Variants in LRIG1 observed in about 807,000 individuals in gnomAD.
LRIG1 encodes the protein leucine-rich repeats and immunoglobulin-like domains protein 1.
Under a neutral mutation model 99.2 loss-of-function variants are expected in LRIG1, and 48 were observed. The observed-to-expected ratio is 0.48, with a 90% CI of 0.38 to 0.62. The LOEUF is 0.62. Ranked by LOEUF, LRIG1 falls within the 20% of genes least tolerant of loss-of-function variation. The pLI, the probability that LRIG1 is intolerant of heterozygous loss-of-function variation, is 0.00. For synonymous variants in LRIG1, 772 were observed against 596.1 expected, an observed-to-expected ratio of 1.29 and a Z score of -4.30; for missense variants, 1,646 against 1,434.4, an observed-to-expected ratio of 1.15 and a Z score of -2.38.
chr3:66,475,680 A>G (rs1700706221), intron 1 of LRIG1, among the ~76,000 whole-genome samples: 1 of 152,252 alleles, frequency 6.6e-6, no homozygotes, highest in Non-Finnish European at 1.5e-5. Context: ...GTTAGGTTTA[A>G]GCTCACATAA....
chr3:66,380,369 T>G lies in LRIG1; in HGVS notation c.3176A>C (p.Asn1059Thr). 6.2e-7 allele frequency: 1 copy of G among 1,614,108 alleles called. No individual in the cohort carries two copies. Among genetic ancestry groups the G allele is most frequent in the Non-Finnish European group, 8.5e-7 (1 of 1,180,026 alleles). The change falls in exon 19 of 19, where the codon AAT (asparagine) becomes ACT (threonine). Residue 1059 changes from asparagine to threonine, a missense_variant. Coordinates refer to ENST00000273261, the MANE Select transcript of LRIG1 (RefSeq NM_015541.3). ...GTCACATGCTTTGGGGAGGTGGCCATTGGAAACAAGCAAGTACTGGGCTTC... is the reference window on the plus strand; with the variant it reads ...GTCACATGCTTTGGGGAGGTGGCCAGTGGAAACAAGCAAGTACTGGGCTTC... ...RAEAQYLLVSNGHLPKACDAS... is the reference protein window; with the variant it reads ...RAEAQYLLVSTGHLPKACDAS...
At chr3:66,410,551 G>C (rs373410758) in intron 6 of LRIG1, among the ~76,000 whole-genome samples, 1 of 152,352 alleles carries the variant, frequency 6.6e-6, no homozygotes, top group South Asian at 2.1e-4. Context: ...CTGAGTAAAA[G>C]TGAACCAGGG....
In LRIG1 at chr3:66,500,229, G is replaced by A. The variant is rs906685904; in HGVS notation, c.179C>T (p.Ala60Val). 17 of 1,511,488 alleles carry A rather than the reference G, an allele frequency of 1.1e-5. No homozygotes were observed. Among genetic ancestry groups the A allele is most frequent in the Non-Finnish European group, 1.5e-5 (17 of 1,136,850 alleles). The allele number at this position is 1,511,488 out of a possible 1,614,324, so 93.6% of individuals were successfully genotyped here. Residue 60 changes from alanine (A) to valine (V), a missense_variant, in exon 1 of 19, where the codon GCT becomes GTT. Transcript: ENST00000273261. ...DSLDCGGRGLAALPGDLPSWT... is the reference protein window; with the variant it reads ...DSLDCGGRGLVALPGDLPSWT... Reference sequence around the variant, plus strand: ...GGAGGGCAGGTCCCCGGGCAACGCAGCCAGCCCGCGCCCACCGCAGTCCAG... The same window carrying A: ...GGAGGGCAGGTCCCCGGGCAACGCAACCAGCCCGCGCCCACCGCAGTCCAG...
At position 66,379,416 on chromosome 3, in the gene LRIG1, A is replaced by C. The variant is rs1315485552; in HGVS notation, c.*847T>G. ...AGTATAGAAAAATCCACAGGTACCAACACCAGCAGCCTTTACCTTAATTTA... is the reference window on the plus strand; with the variant it reads ...AGTATAGAAAAATCCACAGGTACCACCACCAGCAGCCTTTACCTTAATTTA... On this transcript the variant is annotated 3_prime_UTR_variant, in exon 19 of 19. Transcript: ENST00000273261. 6.6e-6 allele frequency: 1 copy of C among 152,324 alleles called. No individual in the cohort carries two copies. 9.4% of individuals were successfully genotyped at this position (152,324 alleles called of 1,614,324 possible). A position where few individuals can be genotyped will look rare whatever the true frequency, so the allele number is the denominator to read the frequency against.
intron 3 of LRIG1, among the ~76,000 whole-genome samples, chr3:66,447,396 T>G (rs1419413605): frequency 6.6e-6 from 1 of 152,200 alleles, no homozygotes; most frequent in Non-Finnish European, 1.5e-5. Context: ...TTAAAAAAAA[T>G]AGTTTTCAAA....
Position 66,399,203 on chromosome 3 carries a change from C to T in LRIG1, c.1161-162G>A, listed in dbSNP as rs77018402. On this transcript the variant is annotated intron_variant, in intron 9 of 18. Transcript: ENST00000273261. ...GGAAAGCTGACCTGCGCTGAGATTA[C>T]GGGTTTGAGGCACGCAGGCCTTCCC... is the stretch of plus-strand genomic sequence containing the variant. Among the ~76,000 whole-genome samples the T allele has an allele frequency of 7.6e-4, 116 of 152,346 alleles. No homozygotes were observed. The East Asian group carries it at 0.018, about 23-fold the overall frequency.
At chr3:66,435,564 G>GC (rs1247185818) in intron 3 of LRIG1, among the ~76,000 whole-genome samples, 1 of 152,156 alleles carries the variant, frequency 6.6e-6, no homozygotes, top group Admixed American at 6.5e-5. Context: ...GGATGGCAGA[G>GC]CAAGACTCTG....
Position 66,493,945 on chromosome 3 carries a change from CAG to C in LRIG1, c.218+6243_218+6244del, listed in dbSNP as rs1355097751. Among the ~76,000 whole-genome samples the C allele has an allele frequency of 2.1e-3, 255 of 121,206 alleles. 2 individuals carry two copies. Among genetic ancestry groups the C allele is most frequent in the African/African-American group, 6.0e-3 (192 of 32,150 alleles). 79.5% of individuals were successfully genotyped at this position (121,206 alleles called of 152,430 possible). ...AGAGAAAGAAAAAAGAAAAAGAAAA[CAG>C]AGAAAGAAAGAAAGAAAAAGAAAAG... is the stretch of plus-strand genomic sequence containing the variant. On this transcript the variant is annotated intron_variant, in intron 1 of 18. Transcript: ENST00000273261.
chr3:66,428,226 G>A (rs558158320), intron 3 of LRIG1, among the ~76,000 whole-genome samples: 2 of 152,130 alleles, frequency 1.3e-5, no homozygotes, highest in African/African-American at 4.8e-5. Flanking sequence ...GACACTGGTA[G>A]TTTTCTTTTA....
Position 66,405,271 on chromosome 3 carries a change from C to A in LRIG1, c.1087G>T (p.Asp363Tyr). Residue 363 changes from aspartate (D) to tyrosine (Y), a missense_variant, in exon 9 of 19, where the codon GAC becomes TAC. Physicochemically the swap from Asp to Tyr is radical, Grantham distance 160. Coordinates refer to ENST00000273261, the MANE Select transcript of LRIG1 (RefSeq NM_015541.3). ...GLRSLRVLDL[D>Y]HNEISGTIED... ...ATTGTGCCCGAAATCTCGTTATGGT[C>A]CAGATCCCTGGGGAGAGGACAGAAA... The A allele has an allele frequency of 6.2e-7, 1 of 1,613,870 alleles. No homozygotes were observed.
chr3:66,470,639 G>A (rs1001013313), intron 1 of LRIG1, among the ~76,000 whole-genome samples: 3 of 152,116 alleles, frequency 2.0e-5, no homozygotes, highest in Admixed American at 6.5e-5. Flanking sequence ...GGTCCCTCAC[G>A]AACATTAATC....
At chr3:66,444,830 A>G (rs1376922059) in intron 3 of LRIG1, among the ~76,000 whole-genome samples, 2 of 152,186 alleles carry the variant, frequency 1.3e-5, no homozygotes, top group Non-Finnish European at 2.9e-5. Flanking sequence ...AAGTGAACAC[A>G]TCTTTGAAAA....
At chr3:66,437,810 CAT>C (rs1703409128) in intron 3 of LRIG1, among the ~76,000 whole-genome samples, 1 of 152,088 alleles carries the variant, frequency 6.6e-6, no homozygotes, top group Non-Finnish European at 1.5e-5. Context: ...GGGAACACAA[CAT>C]CATGGGGGGA....
intron 12 of LRIG1, among the ~76,000 whole-genome samples, chr3:66,389,892 A>G (rs879430323): frequency 6.6e-6 from 1 of 152,202 alleles, no homozygotes; most frequent in Admixed American, 6.5e-5. Flanking sequence ...GAGTGATGAT[A>G]CCAGCCATTT....
chr3:66,455,985 A>C (rs1044186338), intron 2 of LRIG1, among the ~76,000 whole-genome samples: 1 of 152,256 alleles, frequency 6.6e-6, no homozygotes, highest in Non-Finnish European at 1.5e-5. Context: ...CTTTGAGGAA[A>C]GTACTAAATT....
At position 66,380,808 on chromosome 3, in the gene LRIG1, A is replaced by G. The variant is rs1559762128; in HGVS notation, c.2824T>C (p.Ser942Pro). ...TGGGGGTGGAAGGCTTGTCCCCTGGAGTAACAGTCCACTTCGGTGTTGCAG... is the reference window on the plus strand; with the variant it reads ...TGGGGGTGGAAGGCTTGTCCCCTGGGGTAACAGTCCACTTCGGTGTTGCAG... Reference protein sequence around the residue: ...SDCNTEVDCYSRGQAFHPQPV... With the variant: ...SDCNTEVDCYPRGQAFHPQPV... The change falls in exon 18 of 19, where the codon TCC (serine) becomes CCC (proline). Residue 942 changes from serine to proline, a missense_variant. Ser to Pro is a moderately conservative substitution (Grantham distance 74, BLOSUM62 -1). Transcript: ENST00000273261. 6.2e-7 allele frequency: 1 copy of G among 1,614,188 alleles called. No individual in the cohort carries two copies. The highest frequency in any genetic ancestry group is 1.7e-5 in the Admixed American group (1 of 60,026).
chr3:66,416,926 C>G (rs998840626), intron 4 of LRIG1, among the ~76,000 whole-genome samples: 1 of 152,230 alleles, frequency 6.6e-6, no homozygotes, highest in African/African-American at 2.4e-5. Flanking sequence ...CAGGATAATG[C>G]TGCAGGATCT....
intron 12 of LRIG1, 74 bp from the exon 13 acceptor site, chr3:66,386,375 C>T (rs892781882): frequency 3.2e-6 from 4 of 1,269,836 alleles, no homozygotes; most frequent in Non-Finnish European, 4.5e-6. Context: ...TTCATGCTAA[C>T]AGAAACTGAC....
chr3:66,383,690 C>T (rs1701222007), intron 14 of LRIG1, among the ~76,000 whole-genome samples: 1 of 152,012 alleles, frequency 6.6e-6, no homozygotes, highest in Admixed American at 6.5e-5. Context: ...CACATCCATC[C>T]TGTCCAATTC....
Sources: allele counts gnomAD v4.1 joint callset (sites outside exome capture counted in the v4.1 genomes callset), GRCh38; gene constraint gnomAD v4.1.1; transcripts MANE v1.5; gene names NCBI Gene and HGNC (gene_info 2026-07-23, HGNC 2026-07-21).